Variants in GABRR2 observed in about 807,000 individuals in gnomAD.
GABRR2 encodes gamma-aminobutyric acid type A receptor subunit rho2, also known as gamma-aminobutyric acid receptor subunit rho-2.
In GABRR2, 36 loss-of-function variants were observed where a neutral mutation model predicts 47.0. The ratio of observed to expected loss-of-function variants is 0.77; its 90% CI spans 0.59 to 1.01. The LOEUF is 1.01. Among genes scored for constraint, GABRR2 ranks in the 50% least tolerant of loss-of-function variants. The probability of loss-of-function intolerance (pLI) is 0.00; values close to 1 mark genes in which losing one functional copy is unlikely to be tolerated. For synonymous variants in GABRR2, 204 were observed against 227.5 expected (o/e 0.90, Z 0.93); for missense variants, 587 against 594.6 (o/e 0.99, Z 0.13).
intron 2 of GABRR2, among the ~76,000 whole-genome samples, chr6:89,282,526 G>A (rs777387881): frequency 3.6e-4 from 55 of 152,350 alleles, no homozygotes; most frequent in Admixed American, 9.8e-4. Flanking sequence ...AAGACACATT[G>A]CTTCAATATC....
In GABRR2 at chr6:89,315,057, G is replaced by A; in HGVS notation, c.109C>T (p.Pro37Ser). 1 of 1,612,990 alleles carries A rather than the reference G, an allele frequency of 6.2e-7. No homozygotes were observed. The highest frequency in any genetic ancestry group is 8.5e-7 in the Non-Finnish European group (1 of 1,179,326). Residue 37 changes from proline (P) to serine (S), a missense_variant, in exon 1 of 9, where the codon CCA becomes TCA. By Grantham distance (74) the Pro-to-Ser change is moderately conservative. Transcript: ENST00000402938. ...CTTTCCCACCTATGACTTTACCTTG[G>A]CTTGGGCATTTCCACCTGCCCTGTC... ...RWTGQVEMPK[P>S]SHLYKKNLDV...
chr6:89,264,062 T>G (rs961123297), intron 8 of GABRR2, among the ~76,000 whole-genome samples: 2 of 152,182 alleles, frequency 1.3e-5, no homozygotes, highest in Non-Finnish European at 2.9e-5. Context: ...TCCTGATACA[T>G]GTGAAAGATC....
chr6:89,258,511 G>C (rs1306687260), intron 8 of GABRR2, among the ~76,000 whole-genome samples: 1 of 146,358 alleles, frequency 6.8e-6, no homozygotes, highest in African/African-American at 2.5e-5. Context: ...TTCAAGACCA[G>C]CCTGGGCAAC....
intron 2 of GABRR2, among the ~76,000 whole-genome samples, chr6:89,295,087 G>A (rs1774532517): frequency 6.6e-6 from 1 of 151,988 alleles, no homozygotes; most frequent in Non-Finnish European, 1.5e-5. Context: ...TGTGAATAGC[G>A]CTGCAGTAAA....
At chr6:89,296,700 A>G (rs933746499) in intron 2 of GABRR2, among the ~76,000 whole-genome samples, 8 of 152,352 alleles carry the variant, frequency 5.3e-5, no homozygotes, top group Admixed American at 5.2e-4. Flanking sequence ...TCACACCACA[A>G]GGAGTCCACT....
At chr6:89,281,759 G>A (rs1406861480) in intron 2 of GABRR2, among the ~76,000 whole-genome samples, 2 of 152,110 alleles carry the variant, frequency 1.3e-5, no homozygotes, top group African/African-American at 2.4e-5. Flanking sequence ...TTGCTGGCTG[G>A]TCTCTGCCAC....
At position 89,269,274 on chromosome 6, in the gene GABRR2, A is replaced by G. The variant is rs1322635387; in HGVS notation, c.289-40T>C. 3.3e-6 allele frequency: 5 copies of G among 1,509,258 alleles called. No homozygotes were observed. In the South Asian group the frequency reaches 5.6e-5, roughly 17 times the overall value. The allele number at this position is 1,509,258 out of a possible 1,614,324, so 93.5% of individuals were successfully genotyped here. ...GTGAGACCAGACAAAAATGGCTTAG[A>G]AGGTTTTCTTCCTTACAATCAACCC... On this transcript the variant is annotated intron_variant, in intron 3 of 8. Coordinates refer to ENST00000402938, the MANE Select transcript of GABRR2 (RefSeq NM_002043.5).
rs560063213 is a variant in GABRR2, at chr6:89,273,161, G to A, written c.221-1439C>T. Among the ~76,000 whole-genome samples, 134 of 152,122 alleles carry A rather than the reference G, an allele frequency of 8.8e-4. 1 individual carries two copies. Among genetic ancestry groups the A allele is most frequent in the Non-Finnish European group, 1.8e-3 (121 of 68,024 alleles). The stretch of plus-strand genomic sequence containing the variant: ...AGATAAATCAGGGTATAAGTTGAAC[G>A]TTCTATTTTTCTGTGTTCCTCAGAT... On this transcript the variant is annotated intron_variant, in intron 2 of 8. Transcript: ENST00000402938.
chr6:89,297,043 C>G (rs768480797), intron 2 of GABRR2, among the ~76,000 whole-genome samples: 1 of 152,088 alleles, frequency 6.6e-6, no homozygotes, highest in Non-Finnish European at 1.5e-5. Flanking sequence ...ACACATTGTT[C>G]GGAATAGCAC....
At chr6:89,300,139 G>A (rs1350916767) in intron 1 of GABRR2, among the ~76,000 whole-genome samples, 1 of 152,180 alleles carries the variant, frequency 6.6e-6, no homozygotes, top group African/African-American at 2.4e-5. Flanking sequence ...GCTATAATTG[G>A]ATGAAAATGG....
intron 1 of GABRR2, among the ~76,000 whole-genome samples, chr6:89,309,876 C>G (rs1224874205): frequency 6.6e-6 from 1 of 151,714 alleles, no homozygotes; most frequent in African/African-American, 2.4e-5. Context: ...CTCCTGGGCT[C>G]AAGTGATCCT....
Position 89,299,697 on chromosome 6 carries a change from G to A in GABRR2, c.220+62C>T. ...GCGCTGTGCCAGAGGGAGCCAGAGAGGGCAGCACATCACATCCCTGGGGCC... is the reference window on the plus strand; with the variant it reads ...GCGCTGTGCCAGAGGGAGCCAGAGAAGGCAGCACATCACATCCCTGGGGCC... On this transcript the variant is annotated intron_variant, in intron 2 of 8. Coordinates refer to ENST00000402938, the MANE Select transcript of GABRR2 (RefSeq NM_002043.5). 2.8e-6 allele frequency: 3 copies of A among 1,085,922 alleles called. No individual in the cohort carries two copies. The South Asian group carries it at 3.8e-5, about 14-fold the overall frequency. The allele number at this position is 1,085,922 out of a possible 1,614,324, so 67.3% of individuals were successfully genotyped here.
intron 8 of GABRR2, among the ~76,000 whole-genome samples, chr6:89,259,356 A>G (rs1369187174): frequency 1.3e-5 from 2 of 152,152 alleles, no homozygotes; most frequent in Non-Finnish European, 2.9e-5. Context: ...TAGATGAATG[A>G]TTTTATGCAG....
chr6:89,313,227 C>T (rs1475519853), intron 1 of GABRR2, among the ~76,000 whole-genome samples: 1 of 152,154 alleles, frequency 6.6e-6, no homozygotes, highest in Non-Finnish European at 1.5e-5. Flanking sequence ...AGTGTGTGCT[C>T]CATGGAGTAG....
chr6:89,307,991 A>AT (rs1343493783), intron 1 of GABRR2, among the ~76,000 whole-genome samples: 9 of 151,668 alleles, frequency 5.9e-5, no homozygotes, highest in Admixed American at 5.9e-4. Flanking sequence ...TAATTTTTGT[A>AT]TTTTTAGTAG....
intron 1 of GABRR2, 126 bp downstream of exon 1, chr6:89,314,927 C>A: frequency 2.6e-6 from 2 of 774,836 alleles, no homozygotes; most frequent in Non-Finnish European, 4.3e-6. Flanking sequence ...AGTGAAGTAG[C>A]TGGGTTCTCA....
At chr6:89,295,592 A>G (rs1490686036) in intron 2 of GABRR2, among the ~76,000 whole-genome samples, 1 of 151,994 alleles carries the variant, frequency 6.6e-6, no homozygotes, top group East Asian at 1.9e-4. Context: ...GTTCACTCTG[A>G]TGGTAGTTTC....
chr6:89,297,917 G>C (rs912978), intron 2 of GABRR2, among the ~76,000 whole-genome samples: 132,215 of 152,292 alleles, frequency 0.87, 57,742 homozygotes, highest in East Asian at 1. Flanking sequence ...GCCACTGTAC[G>C]CCTCTATGCT....
intron 8 of GABRR2, among the ~76,000 whole-genome samples, chr6:89,261,548 G>A (rs1773745872): frequency 1.3e-5 from 2 of 152,246 alleles, no homozygotes; most frequent in South Asian, 2.1e-4. Flanking sequence ...CATTAATGCT[G>A]AAATAGAGAT....
Sources: allele counts gnomAD v4.1 joint callset (sites outside exome capture counted in the v4.1 genomes callset), GRCh38; gene constraint gnomAD v4.1.1; transcripts MANE v1.5; gene names NCBI Gene and HGNC (gene_info 2026-07-23, HGNC 2026-07-21).